Variants in NWD2 observed in about 807,000 individuals in gnomAD.
NWD2 encodes NACHT and WD repeat domain-containing protein 2.
A neutral mutation model predicts 132.7 loss-of-function variants in NWD2; 37 were observed. That is an observed-to-expected ratio of 0.28 (90% CI 0.21 to 0.37). The LOEUF (loss-of-function observed/expected upper bound fraction) is 0.37, where lower values mean the gene tolerates loss of function less well. NWD2 is among the 10% of genes least tolerant of loss of function. The probability of loss-of-function intolerance (pLI) is 1.00; values close to 1 mark genes in which losing one functional copy is unlikely to be tolerated. For synonymous variants in NWD2, 705 were observed against 803.0 expected, an observed-to-expected ratio of 0.88 and a Z score of 2.06; for missense variants, 1,592 against 2,122.4, an observed-to-expected ratio of 0.75 and a Z score of 4.91.
rs553949935 is a variant in NWD2, at chr4:37,320,985, C to T, written c.152-4951C>T. 2.6e-5 allele frequency among the ~76,000 whole-genome samples: 4 copies of T among 151,930 alleles called. 1 individual carries two copies. Among genetic ancestry groups the T allele is most frequent in the African/African-American group, 4.8e-5 (2 of 41,354 alleles). ...CCAGCTGGCCAACGTGGTAAAACCC[C>T]GTCTGTACTAATAATATAAAAGTTA... On this transcript the variant is annotated intron_variant, in intron 1 of 6. Coordinates refer to ENST00000309447, the MANE Select transcript of NWD2 (RefSeq NM_001144990.2).
chr4:37,371,078 C>CTTTTTT (rs11378524), intron 3 of NWD2, among the ~76,000 whole-genome samples: 16 of 121,194 alleles, frequency 1.3e-4, no homozygotes, highest in Admixed American at 2.0e-4. Flanking sequence ...TTTTCTTTTT[C>CTTTTTT]TTTTTTTTTT....
At chr4:37,390,043 GCCT>G (rs760473223) in intron 3 of NWD2, among the ~76,000 whole-genome samples, 3 of 152,188 alleles carry the variant, frequency 2.0e-5, no homozygotes, top group Non-Finnish European at 4.4e-5. Flanking sequence ...GCCCGCCTCA[GCCT>G]CCCAAGGTGC....
chr4:37,403,403 A>G (rs1399135046), intron 3 of NWD2, among the ~76,000 whole-genome samples: 1 of 152,186 alleles, frequency 6.6e-6, no homozygotes, highest in Non-Finnish European at 1.5e-5. Flanking sequence ...GAATAATTAA[A>G]GCAGCCACAT....
Position 37,447,405 on chromosome 4 carries a change from C to A in NWD2, c.*188C>A. On this transcript the variant is annotated 3_prime_UTR_variant, in exon 7 of 7. Transcript: ENST00000309447. ...GTGTGGTCTTTTTGTCAAAGTGTAT[C>A]CAGAATGTCAGAATTTCTAGTAGTA... is the stretch of plus-strand genomic sequence containing the variant. The A allele has an allele frequency of 3.4e-6, 2 of 585,954 alleles. No homozygotes were observed. Among genetic ancestry groups the A allele is most frequent in the South Asian group, 2.3e-5 (1 of 44,438 alleles). The allele number at this position is 585,954 out of a possible 1,614,324, so 36.3% of individuals were successfully genotyped here. A position where few individuals can be genotyped will look rare whatever the true frequency, so the allele number is the denominator to read the frequency against.
chr4:37,284,302 C>CG (rs1718183532), intron 1 of NWD2, among the ~76,000 whole-genome samples: 1 of 152,196 alleles, frequency 6.6e-6, no homozygotes, highest in Non-Finnish European at 1.5e-5. Context: ...GATAACTCTA[C>CG]TTTCATGACT....
intron 2 of NWD2, among the ~76,000 whole-genome samples, chr4:37,355,186 T>C (rs902153436): frequency 2.0e-5 from 3 of 152,218 alleles, no homozygotes; most frequent in African/African-American, 7.2e-5. Context: ...ATAATGAAGT[T>C]ACCTTCTTTG....
chr4:37,397,983 A>C (rs1051476456), intron 3 of NWD2, among the ~76,000 whole-genome samples: 2 of 152,188 alleles, frequency 1.3e-5, no homozygotes, highest in Non-Finnish European at 2.9e-5. Flanking sequence ...CATTGTCCAG[A>C]AACATGCATT....
Position 37,446,598 on chromosome 4 carries a change from A to G in NWD2, c.4610A>G (p.Lys1537Arg). The change falls in exon 7 of 7, where the codon AAG becomes AGG. Residue 1537 changes from lysine to arginine, a missense_variant. Physicochemically the swap from Lys to Arg is conservative, Grantham distance 26. This residue lies in a region of NWD2 where 257 missense variants were observed against 335.0 expected (regional missense o/e 0.77). Transcript: ENST00000309447. This position sits in a 1 kb window ranked among gnomAD's most constrained non-coding sequence, Gnocchi z 6.7. ...LEDFEISPNG[K>R]LGIIARGDEN... ...GACTTTGAAATTTCTCCCAATGGAA[A>G]GCTAGGCATTATAGCCAGGGGAGAT... is the stretch of plus-strand genomic sequence containing the variant. 1 of 1,551,766 alleles carries G rather than the reference A, an allele frequency of 6.4e-7. No homozygotes were observed. The highest frequency in any genetic ancestry group is 1.2e-5 in the South Asian group (1 of 84,056).
In NWD2 at chr4:37,443,046, T is replaced by A. The variant is rs548154081; in HGVS notation, c.1297-239T>A. On this transcript the variant is annotated intron_variant, in intron 6 of 6. Transcript: ENST00000309447. The surrounding 1 kb of genome is among the most constrained non-coding windows in gnomAD (Gnocchi z 4.1). ...ATTGCCGAATGAGTGAAAAATACTA[T>A]TATTGCTACTTTAGTACACTCAGTA... Among the ~76,000 whole-genome samples, 1 of 152,194 alleles carries A rather than the reference T, an allele frequency of 6.6e-6. No homozygotes were observed. The highest frequency in any genetic ancestry group is 1.9e-4 in the East Asian group (1 of 5,182).
chr4:37,357,433 T>A (rs1407727261), intron 3 of NWD2, among the ~76,000 whole-genome samples: 1 of 152,208 alleles, frequency 6.6e-6, no homozygotes, highest in African/African-American at 2.4e-5. Context: ...ATGGTAAATT[T>A]CTTACCCAGG....
At chr4:37,271,163 G>C (rs1366377993) in intron 1 of NWD2, among the ~76,000 whole-genome samples, 1 of 151,718 alleles carries the variant, frequency 6.6e-6, no homozygotes, top group African/African-American at 2.4e-5. Context: ...TAAATCTTGA[G>C]ATTAGATAGT....
chr4:37,312,997 A>G (rs1718881244), intron 1 of NWD2, among the ~76,000 whole-genome samples: 1 of 151,212 alleles, frequency 6.6e-6, no homozygotes, highest in African/African-American at 2.5e-5. Context: ...CATGGTGGAT[A>G]AGCTTTTTGA....
chr4:37,364,421 G>T (rs1318195442), intron 3 of NWD2, among the ~76,000 whole-genome samples: 2 of 152,068 alleles, frequency 1.3e-5, no homozygotes, highest in Non-Finnish European at 2.9e-5. Flanking sequence ...GCAGGTAAGA[G>T]GTTCTTCTGT....
In NWD2 at chr4:37,439,408, C is replaced by G. The variant is rs1577703131; in HGVS notation, c.1296+18C>G. On this transcript the variant is annotated intron_variant, in intron 6 of 6. Coordinates refer to ENST00000309447, the MANE Select transcript of NWD2 (RefSeq NM_001144990.2). The surrounding 1 kb of genome is among the most constrained non-coding windows in gnomAD (Gnocchi z 4.5). ...CAAAGAAGGTAAAAGCCTATTCTTT[C>G]CCGTGTATATTTGTAAAAACTTGTA... is the stretch of plus-strand genomic sequence containing the variant. 2.9e-6 allele frequency: 4 copies of G among 1,380,772 alleles called. 1 individual carries two copies. Among genetic ancestry groups the G allele is most frequent in the Middle Eastern group, 3.7e-4 (2 of 5,420 alleles). The allele number at this position is 1,380,772 out of a possible 1,614,324, so 85.5% of individuals were successfully genotyped here. A position where few individuals can be genotyped will look rare whatever the true frequency, so the allele number is the denominator to read the frequency against.
At chr4:37,406,234 A>G (rs1394827091) in intron 3 of NWD2, among the ~76,000 whole-genome samples, 6 of 152,232 alleles carry the variant, frequency 3.9e-5, no homozygotes, top group African/African-American at 1.4e-4. Context: ...CCCAAAGGAA[A>G]GAATGGATCT....
chr4:37,266,635 C>T (rs1717757217), intron 1 of NWD2, among the ~76,000 whole-genome samples: 1 of 152,028 alleles, frequency 6.6e-6, no homozygotes, highest in Admixed American at 6.6e-5. Flanking sequence ...AATCTTTTAA[C>T]AGGAAGGAAT....
intron 3 of NWD2, among the ~76,000 whole-genome samples, chr4:37,386,527 A>G (rs1490730172): frequency 6.6e-6 from 1 of 152,124 alleles, no homozygotes; most frequent in Admixed American, 6.6e-5. Context: ...GATCAACTGC[A>G]CACCCTGAAC....
chr4:37,296,345 A>G (rs529637153), intron 1 of NWD2, among the ~76,000 whole-genome samples: 19 of 152,292 alleles, frequency 1.2e-4, no homozygotes, highest in African/African-American at 4.6e-4. Flanking sequence ...AAACACACAT[A>G]AACAAGGTTA....
At chr4:37,296,218 G>C (rs1045069695) in intron 1 of NWD2, among the ~76,000 whole-genome samples, 1 of 152,152 alleles carries the variant, frequency 6.6e-6, no homozygotes, top group African/African-American at 2.4e-5. Flanking sequence ...AAGGCTGTGG[G>C]GTGCCTTCGG....
Sources: allele counts gnomAD v4.1 joint callset (sites outside exome capture counted in the v4.1 genomes callset), GRCh38; gene constraint gnomAD v4.1.1; regional missense constraint gnomAD v4.1.1; non-coding constraint Gnocchi (gnomAD v3.1); transcripts MANE v1.5; gene names NCBI Gene and HGNC (gene_info 2026-07-23, HGNC 2026-07-21).